The following PSD3 variants were observed in gnomAD, a reference collection of about 807,000 sequenced individuals.
PSD3 encodes pleckstrin and Sec7 domain containing 3, also known as PH and SEC7 domain-containing protein 3.
PSD3 carries 49 observed loss-of-function variants against 105.5 expected under a neutral mutation model. That is an observed-to-expected ratio of 0.46 (90% CI 0.37 to 0.59). The LOEUF is 0.59. PSD3 is among the 20% of genes least tolerant of loss of function. PSD3 has a pLI of 0.00. For missense variants in PSD3, 1,561 were observed against 1,263.8 expected, an observed-to-expected ratio of 1.24 and a Z score of -3.57; for synonymous variants, 557 against 457.8, an observed-to-expected ratio of 1.22 and a Z score of -2.77.
At chr8:18,935,460 G>A (rs1822048098) in intron 2 of PSD3, among the ~76,000 whole-genome samples, 1 of 150,704 alleles carries the variant, frequency 6.6e-6, no homozygotes, top group East Asian at 1.9e-4. Flanking sequence ...AGGATGGCTT[G>A]AGGCCAGGAG....
At chr8:18,566,140 T>A (rs1034834243) in intron 14 of PSD3, among the ~76,000 whole-genome samples, 4 of 152,162 alleles carry the variant, frequency 2.6e-5, no homozygotes, top group Non-Finnish European at 5.9e-5. Context: ...AAATACATGC[T>A]TAATTTTACA....
At chr8:18,902,834 T>C (rs538304697) in intron 2 of PSD3, among the ~76,000 whole-genome samples, 20 of 152,314 alleles carry the variant, frequency 1.3e-4, no homozygotes, top group Admixed American at 2.6e-4. Flanking sequence ...TTCGTGGCAG[T>C]GGTGACAGTG....
At chr8:18,948,306 A>C (rs139332115) in intron 1 of PSD3, among the ~76,000 whole-genome samples, 237 of 152,336 alleles carry the variant, frequency 1.6e-3, no homozygotes, top group Middle Eastern at 6.8e-3. Context: ...TACTGGCTAC[A>C]GACTCTGGAT....
rs3087875 is a variant in PSD3 at position 18,527,711 on chromosome 8, T to A, written c.*8032A>T. Reference sequence around the variant, plus strand: ...CAATATCCACACAAATTACTGTTCCTTTCAAAAGAAGACCACCACAAACGC... The same window carrying A: ...CAATATCCACACAAATTACTGTTCCATTCAAAAGAAGACCACCACAAACGC... On this transcript the variant is annotated 3_prime_UTR_variant, in exon 16 of 16. Coordinates refer to ENST00000327040, the MANE Select transcript of PSD3 (RefSeq NM_015310.4). The A allele has an allele frequency of 0.2, 30,682 of 152,610 alleles. 3,119 individuals are homozygous for A. Among genetic ancestry groups the A allele is most frequent in the African/African-American group, 0.24 (10,158 of 41,506 alleles). 9.5% of individuals were successfully genotyped at this position (152,610 alleles called of 1,614,324 possible).
At chr8:18,932,859 C>T (rs949081323) in intron 2 of PSD3, among the ~76,000 whole-genome samples, 2 of 152,170 alleles carry the variant, frequency 1.3e-5, no homozygotes, top group Non-Finnish European at 2.9e-5. Flanking sequence ...AATGCTCTCC[C>T]CACAAAACTC....
chr8:18,625,295 A>G (rs1183210429), intron 11 of PSD3, among the ~76,000 whole-genome samples: 2 of 152,052 alleles, frequency 1.3e-5, no homozygotes, highest in Admixed American at 1.3e-4. Flanking sequence ...TCAAATTTTT[A>G]TAAACACTGG....
At chr8:19,013,909 G>A (rs1827082230), upstream of PSD3, among the ~76,000 whole-genome samples, 1 of 150,416 alleles carries the variant, frequency 6.6e-6, no homozygotes, top group South Asian at 2.1e-4. Flanking sequence ...CGAGGCGGGG[G>A]CGGGGTCTCC....
chr8:18,958,311 T>C (rs1326118603), intron 1 of PSD3, among the ~76,000 whole-genome samples: 1 of 152,234 alleles, frequency 6.6e-6, no homozygotes, highest in Non-Finnish European at 1.5e-5. Context: ...GAGATTGTCT[T>C]AGGGGAACTG....
At chr8:18,879,904 A>G (rs1461630037) in intron 2 of PSD3, among the ~76,000 whole-genome samples, 4 of 152,192 alleles carry the variant, frequency 2.6e-5, no homozygotes, top group African/African-American at 9.7e-5. Context: ...AGCCAAGACC[A>G]TCATTGCTAA....
intron 15 of PSD3, among the ~76,000 whole-genome samples, chr8:18,548,304 G>A (rs1800568168): frequency 1.3e-5 from 2 of 151,954 alleles, no homozygotes; most frequent in African/African-American, 4.8e-5. Context: ...TCTTTTTCAG[G>A]CAACTCATAG....
intron 9 of PSD3, among the ~76,000 whole-genome samples, chr8:18,698,877 G>C (rs530527413): frequency 1.7e-4 from 26 of 152,162 alleles, no homozygotes; most frequent in African/African-American, 6.0e-4. Context: ...CAATAAAAAA[G>C]TACTAGCTTT....
At chr8:18,881,444 C>T (rs1010953644) in intron 2 of PSD3, among the ~76,000 whole-genome samples, 3 of 152,206 alleles carry the variant, frequency 2.0e-5, no homozygotes, top group Non-Finnish European at 4.4e-5. Context: ...GTAAATCAAA[C>T]TGGTTTTCTT....
At chr8:18,562,484 A>C (rs1276998775) in intron 14 of PSD3, among the ~76,000 whole-genome samples, 2 of 152,232 alleles carry the variant, frequency 1.3e-5, no homozygotes, top group African/African-American at 4.8e-5. Flanking sequence ...TCCTGAACTC[A>C]GCTTTCAGAG....
chr8:19,060,763 T>A (rs1428963580), intron 1 of PSD3, among the ~76,000 whole-genome samples: 2 of 152,224 alleles, frequency 1.3e-5, no homozygotes, highest in Non-Finnish European at 1.5e-5. Context: ...GAATTCTTCT[T>A]TATGATTCCC....
chr8:19,065,538 T>C (rs1044358304), intron 1 of PSD3, among the ~76,000 whole-genome samples: 9 of 152,306 alleles, frequency 5.9e-5, no homozygotes, highest in East Asian at 1.9e-4. Context: ...GATCCCCTCC[T>C]TGGGTTTGAT....
chr8:18,812,750 A>G (rs1811804184), intron 4 of PSD3, among the ~76,000 whole-genome samples: 1 of 152,204 alleles, frequency 6.6e-6, no homozygotes, highest in Non-Finnish European at 1.5e-5. Flanking sequence ...ATGTGAGGAC[A>G]CGTGGAGATT....
intron 15 of PSD3, among the ~76,000 whole-genome samples, chr8:18,540,367 C>G (rs1354984756): frequency 2.0e-5 from 3 of 152,106 alleles, no homozygotes; most frequent in Admixed American, 6.6e-5. Flanking sequence ...TTGCAATACT[C>G]TGGAACTGAA....
intron 2 of PSD3, among the ~76,000 whole-genome samples, chr8:18,922,651 C>T (rs1294195627): frequency 6.6e-6 from 1 of 152,164 alleles, no homozygotes; most frequent in Non-Finnish European, 1.5e-5. Flanking sequence ...GTCTCCAAGA[C>T]TGCCCCTTCC....
intron 1 of PSD3, among the ~76,000 whole-genome samples, chr8:18,996,679 C>T (rs1448671399): frequency 6.6e-6 from 1 of 151,914 alleles, no homozygotes; most frequent in Non-Finnish European, 1.5e-5. Flanking sequence ...ATTTTTAAAA[C>T]ATCTCTTGAC....
Sources: gnomAD v4.1 joint callset for allele counts (sites outside exome capture counted in the v4.1 genomes callset) on GRCh38, gnomAD v4.1.1 for gene constraint, MANE v1.5 for transcripts, NCBI Gene and HGNC (gene_info 2026-07-23, HGNC 2026-07-21) for gene names.